The following GALNT18 variants were observed in gnomAD, a reference collection of about 807,000 sequenced individuals.
GALNT18 encodes polypeptide N-acetylgalactosaminyltransferase 18.
A neutral mutation model predicts 69.5 loss-of-function variants in GALNT18; 44 were observed. The observed-to-expected ratio is 0.63, with a 90% CI of 0.50 to 0.81. The LOEUF (loss-of-function observed/expected upper bound fraction) is 0.81, where lower values mean the gene tolerates loss of function less well. Ranked by LOEUF, GALNT18 falls within the 40% of genes least tolerant of loss-of-function variation. GALNT18 has a pLI of 0.00. For missense variants in GALNT18, 715 were observed against 810.0 expected (o/e 0.88, Z 1.42); for synonymous variants, 364 against 318.2 (o/e 1.14, Z -1.53).
chr11:11,547,307 C>T (rs1332892932), intron 1 of GALNT18, among the ~76,000 whole-genome samples: 1 of 152,152 alleles, frequency 6.6e-6, no homozygotes, highest in Non-Finnish European at 1.5e-5. Context: ...GTGGAGGCAG[C>T]CACAGAGGAG....
rs10831649 is a variant in GALNT18 at position 11,605,496 on chromosome 11, C to G, written c.235+15863G>C. Among the ~76,000 whole-genome samples, 66,494 of 152,042 alleles carry G rather than the reference C, an allele frequency of 0.44. 14,927 individuals are homozygous for G. The highest frequency in any genetic ancestry group is 0.55 in the East Asian group (2,859 of 5,154). On this transcript the variant is annotated intron_variant, in intron 1 of 10. Transcript: ENST00000227756. The surrounding 1 kb of genome is among the most constrained non-coding windows in gnomAD (Gnocchi z 4.7). Reference sequence around the variant, plus strand: ...GGTGGAGTCCATTCTGAGGTTCTCACAGACCTCGGGGTGAACAGGAGGCCC... The same window carrying G: ...GGTGGAGTCCATTCTGAGGTTCTCAGAGACCTCGGGGTGAACAGGAGGCCC...
intron 1 of GALNT18, among the ~76,000 whole-genome samples, chr11:11,525,663 T>C (rs1412234531): frequency 4.7e-5 from 7 of 149,756 alleles, no homozygotes; most frequent in African/African-American, 1.5e-4. Flanking sequence ...AGATGGAGTT[T>C]CGCTTTTGTT....
rs1273396339 is a variant in GALNT18, at chr11:11,435,585, G to T, written c.429-2798C>A. Among the ~76,000 whole-genome samples the T allele has an allele frequency of 1.3e-5, 2 of 152,138 alleles. No individual in the cohort carries two copies. Among genetic ancestry groups the T allele is most frequent in the Non-Finnish European group, 2.9e-5 (2 of 68,024 alleles). On this transcript the variant is annotated intron_variant, in intron 2 of 10. Coordinates refer to ENST00000227756, the MANE Select transcript of GALNT18 (RefSeq NM_198516.3). The surrounding 1 kb of genome is among the most constrained non-coding windows in gnomAD (Gnocchi z 4.4). Reference sequence around the variant, plus strand: ...CTAGAATGAAGCCCCCTGAGAGCAGGAACTTTGCTTTTGGACTGTGCTGTC... The same window carrying T: ...CTAGAATGAAGCCCCCTGAGAGCAGTAACTTTGCTTTTGGACTGTGCTGTC...
At chr11:11,578,105 G>A (rs1164391929) in intron 1 of GALNT18, among the ~76,000 whole-genome samples, 1 of 152,174 alleles carries the variant, frequency 6.6e-6, no homozygotes, top group African/African-American at 2.4e-5. Flanking sequence ...ACAGGCACAC[G>A]AGCCTCAGCC....
Position 11,590,853 on chromosome 11 carries a change from A to G in GALNT18, c.235+30506T>C, listed in dbSNP as rs1859340047. 6.6e-6 allele frequency among the ~76,000 whole-genome samples: 1 copy of G among 152,212 alleles called. No homozygotes were observed. The highest frequency in any genetic ancestry group is 6.5e-5 in the Admixed American group (1 of 15,280). On this transcript the variant is annotated intron_variant, in intron 1 of 10. Transcript: ENST00000227756. The surrounding 1 kb of genome is among the most constrained non-coding windows in gnomAD (Gnocchi z 4.4). ...AAACCTACCGCACTACCGGTCATATAAAAGTATAGAACATACAATTATGTA... is the reference window on the plus strand; with the variant it reads ...AAACCTACCGCACTACCGGTCATATGAAAGTATAGAACATACAATTATGTA...
In GALNT18 at chr11:11,532,702, G is replaced by A. The variant is rs542277142; in HGVS notation, c.236-83766C>T. Among the ~76,000 whole-genome samples, 56 of 152,312 alleles carry A rather than the reference G, an allele frequency of 3.7e-4. 1 individual carries two copies. Among genetic ancestry groups the A allele is most frequent in the African/African-American group, 1.3e-3 (53 of 41,570 alleles). The stretch of plus-strand genomic sequence containing the variant: ...CCTGGAAAAACACAGAGGGCTTCCC[G>A]CTGAGCTGCTTCAAGGCTGACCCTT... On this transcript the variant is annotated intron_variant, in intron 1 of 10. Coordinates refer to ENST00000227756, the MANE Select transcript of GALNT18 (RefSeq NM_198516.3).
intron 10 of GALNT18, among the ~76,000 whole-genome samples, chr11:11,288,479 CTCGGTTTCTGTTCTCATCAT>C (rs1849236361): frequency 6.6e-6 from 1 of 152,196 alleles, no homozygotes; most frequent in South Asian, 2.1e-4. Flanking sequence ...CAGCACACCC[CTCGGTTTCTGTTCTCATCAT>C]TCGGTTCCAT....
chr11:11,453,802 C>G (rs919936435), intron 1 of GALNT18, among the ~76,000 whole-genome samples: 1 of 152,214 alleles, frequency 6.6e-6, no homozygotes, highest in African/African-American at 2.4e-5. Context: ...GATTGTGAGG[C>G]CTCCCAGTCA....
intron 1 of GALNT18, among the ~76,000 whole-genome samples, chr11:11,468,539 T>C (rs1359372456): frequency 2.0e-5 from 2 of 98,040 alleles, no homozygotes; most frequent in Non-Finnish European, 4.6e-5. Flanking sequence ...GAGAAACAGA[T>C]GGAAAAAAAA....
chr11:11,433,766 C>T (rs1855331778), intron 2 of GALNT18, among the ~76,000 whole-genome samples: 1 of 152,156 alleles, frequency 6.6e-6, no homozygotes. Context: ...GGTGCCCTTC[C>T]CTGCCTGATA....
chr11:11,393,184 A>C (rs1235994394), intron 3 of GALNT18, among the ~76,000 whole-genome samples: 1 of 152,192 alleles, frequency 6.6e-6, no homozygotes, highest in Non-Finnish European at 1.5e-5. Flanking sequence ...GTGGGCCAGC[A>C]CTGCCCCCCA....
At chr11:11,276,057 A>G (rs1027793587) in intron 10 of GALNT18, among the ~76,000 whole-genome samples, 1 of 152,152 alleles carries the variant, frequency 6.6e-6, no homozygotes, top group Non-Finnish European at 1.5e-5. Context: ...AGTTTTCTCT[A>G]ACTCTGTGAA....
intron 9 of GALNT18, among the ~76,000 whole-genome samples, chr11:11,325,275 C>G (rs529114961): frequency 6.6e-6 from 1 of 152,252 alleles, no homozygotes; most frequent in East Asian, 1.9e-4. Context: ...AAATATCGTA[C>G]GTTTTCACTT....
Position 11,423,608 on chromosome 11 carries a change from A to G in GALNT18, c.595+9013T>C, listed in dbSNP as rs189338489. 7.9e-5 allele frequency among the ~76,000 whole-genome samples: 12 copies of G among 152,276 alleles called. No individual in the cohort carries two copies. The East Asian group carries it at 2.1e-3, about 27-fold the overall frequency. ...CTCTGAAGTTCCCTTTTTGTCTCCT[A>G]CTTCACTGGTCCTGCTGCCCAACAT... On this transcript the variant is annotated intron_variant, in intron 3 of 10. Transcript: ENST00000227756.
At chr11:11,559,409 G>A (rs1002156807) in intron 1 of GALNT18, among the ~76,000 whole-genome samples, 3 of 152,162 alleles carry the variant, frequency 2.0e-5, no homozygotes, top group Admixed American at 1.3e-4. Flanking sequence ...GTTAGACAGG[G>A]AGCTTTCTAA....
Position 11,338,443 on chromosome 11 carries a change from G to T in GALNT18, c.1278+2376C>A, listed in dbSNP as rs1471936006. Among the ~76,000 whole-genome samples, 1 of 152,166 alleles carries T rather than the reference G, an allele frequency of 6.6e-6. No individual in the cohort carries two copies. Among genetic ancestry groups the T allele is most frequent in the Non-Finnish European group, 1.5e-5 (1 of 68,030 alleles). ...GAATGCAGACATGAGGGGAGGTCGG[G>T]GTGGGAAGGAGGGCTTGTGATTGAC... is the stretch of plus-strand genomic sequence containing the variant. On this transcript the variant is annotated intron_variant, in intron 7 of 10. Transcript: ENST00000227756. The surrounding 1 kb of genome is among the most constrained non-coding windows in gnomAD (Gnocchi z 5.3).
chr11:11,407,468 A>G (rs1441501131), intron 3 of GALNT18, among the ~76,000 whole-genome samples: 6 of 152,226 alleles, frequency 3.9e-5, no homozygotes, highest in Non-Finnish European at 7.3e-5. Flanking sequence ...ACTTCAGCAC[A>G]CACGTCTCTG....
rs192501301 is a variant in GALNT18 at position 11,606,616 on chromosome 11, C to A, written c.235+14743G>T. 1.6e-3 allele frequency among the ~76,000 whole-genome samples: 241 copies of A among 152,314 alleles called. No homozygotes were observed. Among genetic ancestry groups the A allele is most frequent in the Non-Finnish European group, 2.5e-3 (169 of 68,030 alleles). On this transcript the variant is annotated intron_variant, in intron 1 of 10. Coordinates refer to ENST00000227756, the MANE Select transcript of GALNT18 (RefSeq NM_198516.3). The surrounding 1 kb of genome is among the most constrained non-coding windows in gnomAD (Gnocchi z 5.4). ...GTTGGACCCGAAGTCAGGCTCTGGT[C>A]AGCAGGCCAGGGAGAGGAGATCCCA...
chr11:11,332,878 G>A lies in GALNT18; in HGVS notation c.1279-47C>T. The A allele has an allele frequency of 1.9e-6, 3 of 1,600,734 alleles. No individual in the cohort carries two copies. Among genetic ancestry groups the A allele is most frequent in the South Asian group, 1.1e-5 (1 of 90,804 alleles). On this transcript the variant is annotated intron_variant, in intron 7 of 10. Transcript: ENST00000227756. The surrounding 1 kb of genome is among the most constrained non-coding windows in gnomAD (Gnocchi z 4.3). ...GAGATGAAGCCACTCCCAGGTTGCA[G>A]CTTCTCCCCAAACTCTACTTTGGCA...
Sources: gnomAD v4.1 joint callset for allele counts (sites outside exome capture counted in the v4.1 genomes callset) on GRCh38, gnomAD v4.1.1 for gene constraint, Gnocchi (gnomAD v3.1) non-coding constraint, MANE v1.5 for transcripts, NCBI Gene and HGNC (gene_info 2026-07-23, HGNC 2026-07-21) for gene names.